CLSTN2: variants seen among roughly 807,000 people sequenced by gnomAD.
CLSTN2 encodes calsyntenin-2.
In CLSTN2, 48 loss-of-function variants were observed where a neutral mutation model predicts 101.2. The ratio of observed to expected loss-of-function variants is 0.47; its 90% CI spans 0.38 to 0.60. The LOEUF is 0.60. Ranked by LOEUF, CLSTN2 falls within the 20% of genes least tolerant of loss-of-function variation. The probability of loss-of-function intolerance (pLI) is 0.00; values close to 1 mark genes in which losing one functional copy is unlikely to be tolerated. For missense variants in CLSTN2, 1,160 were observed against 1,238.2 expected, an observed-to-expected ratio of 0.94 and a Z score of 0.95; for synonymous variants, 481 against 463.6, an observed-to-expected ratio of 1.04 and a Z score of -0.48.
At chr3:140,564,947 G>T (rs911901095) in intron 16 of CLSTN2, among the ~76,000 whole-genome samples, 1 of 152,146 alleles carries the variant, frequency 6.6e-6, no homozygotes, top group Non-Finnish European at 1.5e-5. Flanking sequence ...ACCCCAGCCT[G>T]GTCCCCAGTT....
At chr3:140,278,670 C>A (rs2107894891) in intron 2 of CLSTN2, among the ~76,000 whole-genome samples, 1 of 152,336 alleles carries the variant, frequency 6.6e-6, no homozygotes, top group East Asian at 1.9e-4. Flanking sequence ...CTAAAGCAAG[C>A]TTGTGCAACT....
Position 140,448,517 on chromosome 3 carries a change from A to G in CLSTN2, c.788-2A>G. 1 of 1,611,740 alleles carries G rather than the reference A, an allele frequency of 6.2e-7. No individual in the cohort carries two copies. The highest frequency in any genetic ancestry group is 1.7e-5 in the Admixed American group (1 of 59,962). ...CTTTTCATCCTTTCCTTGTTTGTTT[A>G]GACTGGACCAAGAGGATTGAGTACC... On this transcript the variant is annotated splice_acceptor_variant, in intron 5 of 16. Coordinates refer to ENST00000458420, the MANE Select transcript of CLSTN2 (RefSeq NM_022131.3). LOFTEE classifies it high-confidence loss of function.
Position 140,570,737 on chromosome 3 carries a change from C to T in CLSTN2, c.*4484C>T, listed in dbSNP as rs774052495. The T allele has an allele frequency of 1.3e-5, 2 of 152,088 alleles. No homozygotes were observed. The highest frequency in any genetic ancestry group is 2.9e-5 in the Non-Finnish European group (2 of 68,026). 9.4% of individuals were successfully genotyped at this position (152,088 alleles called of 1,614,324 possible). ...TTTTAATAATTTAAAAATATAAAAA[C>T]CTTCCTCAGCCCACAGGCCATACGA... On this transcript the variant is annotated 3_prime_UTR_variant, in exon 17 of 17. Coordinates refer to ENST00000458420, the MANE Select transcript of CLSTN2 (RefSeq NM_022131.3).
intron 1 of CLSTN2, among the ~76,000 whole-genome samples, chr3:140,144,065 C>T (rs540456965): frequency 2.6e-5 from 4 of 152,300 alleles, no homozygotes; most frequent in Non-Finnish European, 4.4e-5. Flanking sequence ...GAGAGAGATG[C>T]GCTAGCAAGA....
At position 140,046,196 on chromosome 3, in the gene CLSTN2, C is replaced by T. The variant is rs576785259; in HGVS notation, c.109+110713C>T. Among the ~76,000 whole-genome samples, 12 of 152,122 alleles carry T rather than the reference C, an allele frequency of 7.9e-5. No individual in the cohort carries two copies. In the South Asian group the frequency reaches 2.5e-3, roughly 32 times the overall value. On this transcript the variant is annotated intron_variant, in intron 1 of 16. Coordinates refer to ENST00000458420, the MANE Select transcript of CLSTN2 (RefSeq NM_022131.3). Reference sequence around the variant, plus strand: ...GACTTGCTTTATGAATCTGGGTGCTCCTGTATTGGGGGCATATATATTTAG... The same window carrying T: ...GACTTGCTTTATGAATCTGGGTGCTTCTGTATTGGGGGCATATATATTTAG...
At chr3:140,300,903 G>T (rs1342665243) in intron 2 of CLSTN2, among the ~76,000 whole-genome samples, 1 of 152,118 alleles carries the variant, frequency 6.6e-6, no homozygotes, top group Non-Finnish European at 1.5e-5. Context: ...GCAAGCTGGA[G>T]ACCCAAGAAA....
intron 2 of CLSTN2, among the ~76,000 whole-genome samples, chr3:140,318,838 G>T (rs1018030093): frequency 6.6e-6 from 1 of 152,198 alleles, no homozygotes; most frequent in South Asian, 2.1e-4. Context: ...AGAGTAAAGT[G>T]GAGAATTTAA....
intron 5 of CLSTN2, among the ~76,000 whole-genome samples, chr3:140,423,864 A>C (rs1433063446): frequency 6.6e-6 from 1 of 152,138 alleles, no homozygotes; most frequent in African/African-American, 2.4e-5. Flanking sequence ...ATGTTTAGGC[A>C]ACCGGGATTA....
At chr3:140,152,636 C>T (rs1198202742) in intron 1 of CLSTN2, among the ~76,000 whole-genome samples, 1 of 152,160 alleles carries the variant, frequency 6.6e-6, no homozygotes, top group Non-Finnish European at 1.5e-5. Context: ...GCAATTGGTG[C>T]TCACGTTCTA....
intron 1 of CLSTN2, among the ~76,000 whole-genome samples, chr3:140,078,332 C>G (rs1455448283): frequency 6.6e-6 from 1 of 152,142 alleles, no homozygotes; most frequent in Non-Finnish European, 1.5e-5. Flanking sequence ...TGGAGCTGGT[C>G]AATGCACGGT....
At chr3:140,397,590 TTTCTCA>T (rs1422989696) in intron 2 of CLSTN2, among the ~76,000 whole-genome samples, 3 of 152,152 alleles carry the variant, frequency 2.0e-5, no homozygotes, top group Admixed American at 6.5e-5. Context: ...GAGGGCCCAT[TTTCTCA>T]TAGATAGCAC....
chr3:140,546,637 G>A lies in CLSTN2; in HGVS notation c.1630G>A (p.Gly544Arg). 6.2e-7 allele frequency: 1 copy of A among 1,613,864 alleles called. No individual in the cohort carries two copies. The highest frequency in any genetic ancestry group is 8.5e-7 in the Non-Finnish European group (1 of 1,179,946). Residue 544 changes from glycine (G) to arginine (R), a missense_variant, in exon 10 of 17, where the codon GGG becomes AGG. Coordinates refer to ENST00000458420, the MANE Select transcript of CLSTN2 (RefSeq NM_022131.3). ...VISCLQACKEGLDINSLESLG... is the reference protein window; with the variant it reads ...VISCLQACKERLDINSLESLG... ...CTCCTGCCTGCAGGCCTGCAAGGAA[G>A]GGCTGGACATTAATTCCTTGGAAAG...
intron 2 of CLSTN2, among the ~76,000 whole-genome samples, chr3:140,363,149 A>G (rs1301664429): frequency 6.6e-6 from 1 of 152,228 alleles, no homozygotes; most frequent in Non-Finnish European, 1.5e-5. Context: ...CAACAATAAA[A>G]AGGAATAAAT....
chr3:140,541,890 C>T (rs902959034), intron 9 of CLSTN2, among the ~76,000 whole-genome samples: 1 of 152,170 alleles, frequency 6.6e-6, no homozygotes, highest in Non-Finnish European at 1.5e-5. Context: ...CTGGAAACCA[C>T]ACCAGGCAGA....
chr3:140,145,474 G>C (rs2009767556), intron 1 of CLSTN2, among the ~76,000 whole-genome samples: 1 of 152,266 alleles, frequency 6.6e-6, no homozygotes, highest in Non-Finnish European at 1.5e-5. Context: ...AAGTTATTGA[G>C]AGAAGTTCTC....
At chr3:140,093,664 TG>T (rs763352202) in intron 1 of CLSTN2, among the ~76,000 whole-genome samples, 1 of 152,104 alleles carries the variant, frequency 6.6e-6, no homozygotes, top group East Asian at 1.9e-4. Context: ...GGAAAAACCA[TG>T]GTGATCTTCC....
At chr3:140,163,037 A>G (rs2010075832) in intron 1 of CLSTN2, among the ~76,000 whole-genome samples, 1 of 152,208 alleles carries the variant, frequency 6.6e-6, no homozygotes, top group Non-Finnish European at 1.5e-5. Flanking sequence ...CTCAGTTTGA[A>G]TACAGCAGTC....
chr3:140,352,689 A>C (rs1380774429), intron 2 of CLSTN2, among the ~76,000 whole-genome samples: 2 of 152,220 alleles, frequency 1.3e-5, no homozygotes, highest in East Asian at 3.8e-4. Context: ...CCCTGTCAGC[A>C]TGTCCTGTGC....
intron 1 of CLSTN2, among the ~76,000 whole-genome samples, chr3:140,089,923 A>T (rs112354699): frequency 2.8e-5 from 4 of 144,888 alleles, no homozygotes; most frequent in African/African-American, 1.0e-4. Flanking sequence ...GGTTTATTTT[A>T]GAGAAAAAAC....
Sources: allele counts gnomAD v4.1 joint callset (sites outside exome capture counted in the v4.1 genomes callset), GRCh38; gene constraint gnomAD v4.1.1; transcripts MANE v1.5; gene names NCBI Gene and HGNC (gene_info 2026-07-23, HGNC 2026-07-21).